SORBS2: variants seen among roughly 807,000 people sequenced by gnomAD.
SORBS2 encodes the protein sorbin and SH3 domain-containing protein 2.
In SORBS2, 46 loss-of-function variants were observed where a neutral mutation model predicts 97.7. The observed-to-expected ratio is 0.47, with a 90% CI of 0.37 to 0.60. The LOEUF is 0.60. Among genes scored for constraint, SORBS2 ranks in the 20% least tolerant of loss-of-function variants. SORBS2 has a pLI of 0.00. For synonymous variants in SORBS2, 476 were observed against 473.4 expected, an observed-to-expected ratio of 1.01 and a Z score of -0.07; for missense variants, 1,316 against 1,282.3, an observed-to-expected ratio of 1.03 and a Z score of -0.40.
chr4:185,827,897 T>C lies in SORBS2; in HGVS notation c.-337-52531A>G, dbSNP rs2099202619. On this transcript the variant is annotated intron_variant, in intron 1 of 20. Coordinates refer to the SORBS2 transcript ENST00000284776. ...ATCGTCACCATCATCAGCGTCACCA[T>C]CATCATCATACCATCATCATCATCA... Among the ~76,000 whole-genome samples, 3 of 127,598 alleles carry C rather than the reference T, an allele frequency of 2.4e-5. No homozygotes were observed. In the Admixed American group the frequency reaches 2.4e-4, roughly 10 times the overall value. The allele number at this position is 127,598 out of a possible 152,430, so 83.7% of individuals were successfully genotyped here. A position where few individuals can be genotyped will look rare whatever the true frequency, so the allele number is the denominator to read the frequency against.
At position 185,606,747 on chromosome 4, in the gene SORBS2, G is replaced by A. The variant is rs560113339; in HGVS notation, c.2796+5033C>T. ...ACCCATCGTGGCCACACCACCAGGC[G>A]TCTCCTTCCTGAGGTTCTGGCGGCC... is the stretch of plus-strand genomic sequence containing the variant. On this transcript the variant is annotated intron_variant, in intron 12 of 14. Coordinates refer to ENST00000418609, the Ensembl canonical transcript of SORBS2. This position sits in a 1 kb window ranked among gnomAD's most constrained non-coding sequence, Gnocchi z 4.3. The A allele has an allele frequency of 1.7e-4, 168 of 985,180 alleles. No individual in the cohort carries two copies. Among genetic ancestry groups the A allele is most frequent in the Non-Finnish European group, 1.8e-4 (148 of 829,886 alleles). 61.0% of individuals were successfully genotyped at this position (985,180 alleles called of 1,614,324 possible). A position where few individuals can be genotyped will look rare whatever the true frequency, so the allele number is the denominator to read the frequency against.
At chr4:185,751,743 C>T (rs550860742) in intron 2 of SORBS2, among the ~76,000 whole-genome samples, 1 of 152,294 alleles carries the variant, frequency 6.6e-6, no homozygotes, top group African/African-American at 2.4e-5. Flanking sequence ...AGATGCCTGA[C>T]ATTCCACAGG....
chr4:185,945,211 C>T (rs2099273967), intron 1 of SORBS2, among the ~76,000 whole-genome samples: 2 of 152,184 alleles, frequency 1.3e-5, no homozygotes, highest in African/African-American at 4.8e-5. Context: ...TTGATTCTGT[C>T]AACTTGTTGA....
intron 2 of SORBS2, among the ~76,000 whole-genome samples, chr4:185,752,468 G>A (rs1249825323): frequency 1.3e-5 from 2 of 152,102 alleles, no homozygotes; most frequent in African/African-American, 4.8e-5. Flanking sequence ...AGTAGATATG[G>A]GGTTTCACCG....
chr4:185,628,635 G>C (rs1294642226), intron 5 of SORBS2, among the ~76,000 whole-genome samples: 1 of 152,164 alleles, frequency 6.6e-6, no homozygotes, highest in African/African-American at 2.4e-5. Flanking sequence ...TGTAGTCCCA[G>C]CTATTCAGGA....
intron 1 of SORBS2, among the ~76,000 whole-genome samples, chr4:185,892,558 T>C (rs376114381): frequency 1.8e-4 from 28 of 152,300 alleles, no homozygotes; most frequent in Middle Eastern, 3.4e-3. Flanking sequence ...CAAAACGTGG[T>C]GCATACATAT....
intron 1 of SORBS2, among the ~76,000 whole-genome samples, chr4:185,915,241 G>A (rs76606731): frequency 0.078 from 11,886 of 152,268 alleles, 508 homozygotes; most frequent in East Asian, 0.15. Context: ...ACTGAATGGA[G>A]CATTTGTTTT....
At chr4:185,900,059 G>A (rs867533777) in intron 1 of SORBS2, among the ~76,000 whole-genome samples, 10 of 152,112 alleles carry the variant, frequency 6.6e-5, no homozygotes, top group African/African-American at 1.4e-4. Context: ...TCAGATTGTC[G>A]TGTGCTATGA....
intron 12 of SORBS2, among the ~76,000 whole-genome samples, chr4:185,609,026 G>A (rs945145460): frequency 1.3e-5 from 2 of 151,696 alleles, no homozygotes; most frequent in African/African-American, 4.8e-5. Flanking sequence ...TCTTATCGTG[G>A]GATGACATAA....
At chr4:185,870,083 C>G (rs2099229541) in intron 1 of SORBS2, among the ~76,000 whole-genome samples, 1 of 152,196 alleles carries the variant, frequency 6.6e-6, no homozygotes, top group African/African-American at 2.4e-5. Context: ...TAACAACTAA[C>G]CACTACAGTA....
intron 2 of SORBS2, among the ~76,000 whole-genome samples, chr4:185,694,706 C>CCTTTTTTT (rs2098146205): frequency 8.0e-6 from 1 of 124,272 alleles, no homozygotes; most frequent in Non-Finnish European, 1.7e-5. Context: ...CCTTTTCTTT[C>CCTTTTTTT]TTTTCTTTTC....
intron 1 of SORBS2, among the ~76,000 whole-genome samples, chr4:185,931,678 G>A (rs560617820): frequency 2.2e-4 from 34 of 152,206 alleles, no homozygotes; most frequent in Non-Finnish European, 4.0e-4. Context: ...TTAAACTGAC[G>A]CAGCAGGATT....
At chr4:185,947,464 A>G (rs1191073960) in intron 1 of SORBS2, among the ~76,000 whole-genome samples, 2 of 152,192 alleles carry the variant, frequency 1.3e-5, no homozygotes, top group African/African-American at 4.8e-5. Flanking sequence ...AGAGGGACAG[A>G]ACTGCAGAGT....
chr4:185,730,656 A>C (rs774691034), intron 2 of SORBS2, among the ~76,000 whole-genome samples: 4 of 152,244 alleles, frequency 2.6e-5, no homozygotes, highest in Non-Finnish European at 5.9e-5. Context: ...GCTGCAGGCC[A>C]TGGAGAGGAC....
intron 4 of SORBS2, among the ~76,000 whole-genome samples, chr4:185,641,723 G>A (rs3749579): frequency 0.5 from 75,169 of 150,806 alleles, 19,003 homozygotes; most frequent in South Asian, 0.6. Context: ...CATCTTTCTA[G>A]CCTTGGTGTG....
intron 1 of SORBS2, among the ~76,000 whole-genome samples, chr4:185,827,246 C>CCACCATCATCACCATCATCACCATCAT (rs2099201015): frequency 5.8e-3 from 45 of 7,710 alleles, no homozygotes; most frequent in African/African-American, 9.4e-3. Flanking sequence ...ACCATCACCA[C>CCACCATCATCACCATCATCACCATCAT]CATCATCATC....
chr4:185,745,454 A>G (rs2098754157), intron 2 of SORBS2, among the ~76,000 whole-genome samples: 1 of 152,178 alleles, frequency 6.6e-6, no homozygotes. Flanking sequence ...GTCCAGACTT[A>G]TGCTCAGGTA....
chr4:185,846,894 A>G (rs1232503605), intron 1 of SORBS2, among the ~76,000 whole-genome samples: 1 of 152,184 alleles, frequency 6.6e-6, no homozygotes, highest in Non-Finnish European at 1.5e-5. Context: ...TGATATTTAA[A>G]TTTAGAGAAA....
chr4:185,630,931 A>AAG (rs987309211), intron 4 of SORBS2, among the ~76,000 whole-genome samples: 2 of 152,234 alleles, frequency 1.3e-5, no homozygotes, highest in African/African-American at 4.8e-5. Context: ...CCTGAACTGC[A>AAG]GAATCTTACC....
Sources: allele counts gnomAD v4.1 joint callset (sites outside exome capture counted in the v4.1 genomes callset), GRCh38; gene constraint gnomAD v4.1.1; non-coding constraint Gnocchi (gnomAD v3.1); transcripts MANE v1.5; gene names NCBI Gene and HGNC (gene_info 2026-07-23, HGNC 2026-07-21).